RANBP10: variants seen among roughly 807,000 people sequenced by gnomAD.
RANBP10 encodes the protein RAN binding protein 10.
RANBP10 carries 24 observed loss-of-function variants against 72.8 expected under a neutral mutation model. That is an observed-to-expected ratio of 0.33 (90% CI 0.24 to 0.46). The LOEUF (loss-of-function observed/expected upper bound fraction) is 0.46. Ranked by LOEUF, RANBP10 falls within the 20% of genes least tolerant of loss-of-function variation. RANBP10 has a pLI of 1.00. For missense variants in RANBP10, 679 were observed against 817.5 expected (o/e 0.83, Z 2.07); for synonymous variants, 310 against 322.3 (o/e 0.96, Z 0.41).
At chr16:67,752,568 T>G (rs934018690) in intron 3 of RANBP10, among the ~76,000 whole-genome samples, 3 of 152,208 alleles carry the variant, frequency 2.0e-5, no homozygotes, top group Admixed American at 6.5e-5. Flanking sequence ...AGCTGTAATA[T>G]ATCTTCAACT....
At chr16:67,802,333 C>A (rs530074346) in intron 2 of RANBP10, among the ~76,000 whole-genome samples, 6 of 152,272 alleles carry the variant, frequency 3.9e-5, no homozygotes, top group Admixed American at 2.6e-4. Flanking sequence ...TGACCTGAGA[C>A]CTTTCTAAAA....
intron 2 of RANBP10, among the ~76,000 whole-genome samples, chr16:67,792,113 G>A (rs575806747): frequency 6.6e-6 from 1 of 151,450 alleles, no homozygotes; most frequent in Admixed American, 6.6e-5. Flanking sequence ...TGGCTGCTAC[G>A]TGTAAGCTGC....
intron 2 of RANBP10, among the ~76,000 whole-genome samples, chr16:67,781,892 G>A (rs1389418098): frequency 1.3e-5 from 2 of 152,146 alleles, no homozygotes; most frequent in Non-Finnish European, 2.9e-5. Flanking sequence ...AAGGCCCACA[G>A]GTGTCCACAC....
chr16:67,800,209 C>G (rs1451652721), intron 2 of RANBP10, among the ~76,000 whole-genome samples: 1 of 151,966 alleles, frequency 6.6e-6, no homozygotes, highest in Admixed American at 6.6e-5. Flanking sequence ...TGCACTGCTG[C>G]CTGGCCAAAG....
chr16:67,746,510 G>A (rs1343631502), intron 3 of RANBP10, among the ~76,000 whole-genome samples: 2 of 152,124 alleles, frequency 1.3e-5, no homozygotes, highest in African/African-American at 4.8e-5. Context: ...AATTAGCCAA[G>A]TGTGGTGGCG....
chr16:67,783,523 T>TA (rs2054851677), intron 2 of RANBP10, among the ~76,000 whole-genome samples: 1 of 152,180 alleles, frequency 6.6e-6, no homozygotes, highest in Non-Finnish European at 1.5e-5. Context: ...AAGGCTGGTC[T>TA]CAGACACTCC....
chr16:67,761,562 T>G (rs1365749333), intron 3 of RANBP10, among the ~76,000 whole-genome samples: 1 of 152,206 alleles, frequency 6.6e-6, no homozygotes, highest in Non-Finnish European at 1.5e-5. Context: ...TAAACATTTA[T>G]ATATTTTTTA....
chr16:67,774,628 T>C (rs1209277173), intron 2 of RANBP10, among the ~76,000 whole-genome samples: 1 of 152,142 alleles, frequency 6.6e-6, no homozygotes, highest in Non-Finnish European at 1.5e-5. Flanking sequence ...CACCCACATT[T>C]GGGCACCATT....
At chr16:67,803,734 A>G (rs2055278359) in intron 2 of RANBP10, among the ~76,000 whole-genome samples, 1 of 149,186 alleles carries the variant, frequency 6.7e-6, no homozygotes, top group African/African-American at 2.5e-5. Flanking sequence ...AGGTGGGAGG[A>G]TAACTCGAGC....
At chr16:67,737,417 C>T (rs887098416) in intron 5 of RANBP10, among the ~76,000 whole-genome samples, 42 of 151,760 alleles carry the variant, frequency 2.8e-4, no homozygotes, top group African/African-American at 2.2e-4. Flanking sequence ...TTAGCCAGGA[C>T]GATCTTGATC....
intron 3 of RANBP10, among the ~76,000 whole-genome samples, chr16:67,758,139 C>T (rs2054324841): frequency 6.6e-6 from 1 of 152,212 alleles, no homozygotes; most frequent in Non-Finnish European, 1.5e-5. Context: ...TCCTGATGGC[C>T]AGGAACGGCC....
chr16:67,727,314 T>C lies in RANBP10; in HGVS notation c.1732+13A>G, dbSNP rs2053620934. On this transcript the variant is annotated intron_variant, in intron 13 of 13. Transcript: ENST00000317506. ...CTCTGTCTCTAATAATAATAATAAA[T>C]AGATTCACTCACCTAAAATGGCGCT... The C allele has an allele frequency of 6.3e-7, 1 of 1,598,220 alleles. No individual in the cohort carries two copies. The highest frequency in any genetic ancestry group is 1.8e-5 in the Admixed American group (1 of 55,456).
chr16:67,732,586 T>C (rs1045170071), intron 6 of RANBP10, among the ~76,000 whole-genome samples: 1 of 152,206 alleles, frequency 6.6e-6, no homozygotes, highest in African/African-American at 2.4e-5. Flanking sequence ...TAAGACTTCT[T>C]ATTATGAAAT....
chr16:67,762,612 T>A (rs1199771348), intron 3 of RANBP10: 3 of 152,218 alleles, frequency 2.0e-5, no homozygotes, highest in African/African-American at 7.2e-5. Context: ...GAGCAGTCAC[T>A]ACTCCTCCAG....
At chr16:67,746,970 T>C (rs890794327) in intron 3 of RANBP10, among the ~76,000 whole-genome samples, 1 of 152,258 alleles carries the variant, frequency 6.6e-6, no homozygotes, top group Non-Finnish European at 1.5e-5. Flanking sequence ...TTTTTAGCTA[T>C]TATGAATAAA....
At position 67,728,378 on chromosome 16, in the gene RANBP10, C is replaced by T. The variant is rs376030111; in HGVS notation, c.1474+12G>A. ...GCCCTCAAAGAATAGCACACCGGGC[C>T]GTGGCTCTCACCCATGCTGGACTCA... On this transcript the variant is annotated intron_variant, in intron 11 of 13. Coordinates refer to ENST00000317506, the MANE Select transcript of RANBP10 (RefSeq NM_020850.3). 328 of 1,613,058 alleles carry T rather than the reference C, an allele frequency of 2.0e-4. 3 individuals carry two copies. Among genetic ancestry groups the T allele is most frequent in the South Asian group, 1.2e-3 (112 of 91,050 alleles).
intron 2 of RANBP10, among the ~76,000 whole-genome samples, chr16:67,800,440 G>A (rs894467439): frequency 6.6e-6 from 1 of 152,208 alleles, no homozygotes; most frequent in African/African-American, 2.4e-5. Flanking sequence ...TCACACTGGA[G>A]CATCTGTCAG....
At chr16:67,783,180 G>A (rs1022384426) in intron 2 of RANBP10, among the ~76,000 whole-genome samples, 5 of 152,090 alleles carry the variant, frequency 3.3e-5, no homozygotes, top group African/African-American at 9.7e-5. Flanking sequence ...GAGCACACAC[G>A]CAGGAGACCC....
intron 2 of RANBP10, among the ~76,000 whole-genome samples, chr16:67,784,044 CAA>C (rs747315565): frequency 2.9e-3 from 147 of 50,318 alleles, no homozygotes; most frequent in African/African-American, 9.1e-3. Flanking sequence ...GACTCCGTCT[CAA>C]AAAAAAAAAA....
Sources: gnomAD v4.1 joint callset for allele counts (sites outside exome capture counted in the v4.1 genomes callset) on GRCh38, gnomAD v4.1.1 for gene constraint, MANE v1.5 for transcripts, NCBI Gene and HGNC (gene_info 2026-07-23, HGNC 2026-07-21) for gene names.